Variants in C9orf50 observed in about 807,000 individuals in gnomAD.
The protein encoded by C9orf50 is uncharacterized protein C9orf50.
A neutral mutation model predicts 42.5 loss-of-function variants in C9orf50; 33 were observed. The ratio of observed to expected loss-of-function variants is 0.78; its 90% CI spans 0.59 to 1.04. The LOEUF is 1.04. Among genes scored for constraint, C9orf50 ranks in the 50% least tolerant of loss-of-function variants. The pLI is 0.00. For synonymous variants in C9orf50, 257 were observed against 273.4 expected (o/e 0.94, Z 0.59); for missense variants, 547 against 594.3 (o/e 0.92, Z 0.83).
chr9:129,615,086 A>G (rs377041550), intron 4 of C9orf50, among the ~76,000 whole-genome samples: 1 of 152,194 alleles, frequency 6.6e-6, no homozygotes, highest in African/African-American at 2.4e-5. Flanking sequence ...GTCTGCCTTC[A>G]TGGATGTCAA....
At chr9:129,612,374 G>C (rs372409652) in exon 7 of C9orf50, 6 of 1,613,818 alleles carry the variant, frequency 3.7e-6, no homozygotes, top group Non-Finnish European at 5.1e-6. Context: ...GCAGTGTTGC[G>C]GAGGCCAGGA....
chr9:129,612,474 C>T lies in C9orf50; in HGVS notation c.1189-20G>A. On this transcript the variant is annotated intron_variant, in intron 6 of 6. Transcript: ENST00000372478. Reference sequence around the variant, plus strand: ...GGACTCCTAGAGTGAGACAGAGGACCAGCTGGCTGCTACCAGGACCTCGGG... The same window carrying T: ...GGACTCCTAGAGTGAGACAGAGGACTAGCTGGCTGCTACCAGGACCTCGGG... 1 of 1,598,580 alleles carries T rather than the reference C, an allele frequency of 6.3e-7. No homozygotes were observed. The highest frequency in any genetic ancestry group is 8.6e-7 in the Non-Finnish European group (1 of 1,169,056).
intron 3 of C9orf50, 141 bp from the exon 4 acceptor site, chr9:129,615,788 C>T (rs753617077): frequency 3.1e-6 from 3 of 961,064 alleles, no homozygotes; most frequent in Admixed American, 3.9e-5. Context: ...TCACAGCAGC[C>T]GGCCTTAACG....
Position 129,613,014 on chromosome 9 carries a change from C to T in C9orf50, c.1188+93G>A, listed in dbSNP as rs1830163056. 16 of 1,535,680 alleles carry T rather than the reference C, an allele frequency of 1.0e-5. No individual in the cohort carries two copies. The highest frequency in any genetic ancestry group is 8.1e-5 in the South Asian group (7 of 86,076). On this transcript the variant is annotated intron_variant, in intron 6 of 6. Transcript: ENST00000372478. This position sits in a 1 kb window ranked among gnomAD's most constrained non-coding sequence, Gnocchi z 6.2. ...CTCTCAGGGAGGGTCCACTCCCAGCCCCAGCCACTCCACCAAACAGGGCTG... is the reference window on the plus strand; with the variant it reads ...CTCTCAGGGAGGGTCCACTCCCAGCTCCAGCCACTCCACCAAACAGGGCTG...
At position 129,620,561 on chromosome 9, in the gene C9orf50, C is replaced by T. The variant is rs988587428; in HGVS notation, c.14G>A (p.Arg5Gln). Residue 5 changes from arginine to glutamine, a missense_variant, in exon 1 of 7, where the codon CGA becomes CAA. Arg to Gln is a conservative substitution (Grantham distance 43, BLOSUM62 1). This residue lies in a region of C9orf50 where 105 missense variants were observed against 98.5 expected (regional missense o/e 1.07). Transcript: ENST00000372478. The surrounding 1 kb of genome is among the most constrained non-coding windows in gnomAD (Gnocchi z 5.8). Reference sequence around the variant, plus strand: ...CAGGTCCTGGGCCCCTGGGCGAAGTCGACGCCAGAACATGCTTGGCCCCGC... The same window carrying T: ...CAGGTCCTGGGCCCCTGGGCGAAGTTGACGCCAGAACATGCTTGGCCCCGC... 2 of 1,378,108 alleles carry T rather than the reference C, an allele frequency of 1.5e-6. No individual in the cohort carries two copies. Among genetic ancestry groups the T allele is most frequent in the South Asian group, 3.4e-5 (2 of 58,518 alleles). The allele number at this position is 1,378,108 out of a possible 1,614,324, so 85.4% of individuals were successfully genotyped here.
chr9:129,619,715 C>T, intron 2 of C9orf50, 25 bp downstream of exon 2: 1 of 1,613,484 alleles, frequency 6.2e-7, no homozygotes, highest in Non-Finnish European at 8.5e-7. Flanking sequence ...ACCCCGTCCC[C>T]ACCAAGAAGC....
upstream of C9orf50, chr9:129,620,842 T>C (rs1432912826): frequency 1.9e-5 from 7 of 362,136 alleles, no homozygotes; most frequent in Non-Finnish European, 3.0e-5. This position sits in a 1 kb window ranked among gnomAD's most constrained non-coding sequence, Gnocchi z 5.8. Context: ...TACATGCCAG[T>C]CTTAGAACAG....
Position 129,620,450 on chromosome 9 carries a change from G to T in C9orf50, c.125C>A (p.Ala42Glu), listed in dbSNP as rs890125721. The T allele has an allele frequency of 2.3e-6, 3 of 1,315,662 alleles. No homozygotes were observed. The highest frequency in any genetic ancestry group is 2.0e-5 in the South Asian group (1 of 50,054). The allele number at this position is 1,315,662 out of a possible 1,614,324, so 81.5% of individuals were successfully genotyped here. ...CCCGGAGCCCCGCGCGCCCAGAGCC[G>T]CTCGGAGCGCGGGCGGGGTCAGCTT... Residue 42 changes from alanine (A) to glutamate (E), a missense_variant, in exon 1 of 7, where the codon GCG (alanine) becomes GAG (glutamate). Around this residue, in one of 3 missense-constraint regions of C9orf50, gnomAD observed 105 missense variants for 98.5 expected, o/e 1.07. Coordinates refer to ENST00000372478, the Ensembl canonical transcript of C9orf50. The surrounding 1 kb of genome is among the most constrained non-coding windows in gnomAD (Gnocchi z 5.8).
chr9:129,615,348 A>G, intron 4 of C9orf50, 136 bp downstream of exon 4: 1 of 971,934 alleles, frequency 1.0e-6, no homozygotes, highest in Non-Finnish European at 1.4e-6. Context: ...CAGTTCAGGC[A>G]CATCCTCTGC....
chr9:129,615,515 T>A (rs926811210), exon 4 of C9orf50: 18 of 1,608,756 alleles, frequency 1.1e-5, no homozygotes, highest in Non-Finnish European at 1.4e-5. Context: ...AGCGGAGCGT[T>A]GTGTCCTGCA....
At position 129,620,606 on chromosome 9, in the gene C9orf50, C is replaced by A; in HGVS notation, c.-32G>T. ...CCCCGCACTCAGCTCACCGCACCCT[C>A]AGCGCGCGTGGGTGGGGGGCGCCGG... is the stretch of plus-strand genomic sequence containing the variant. On this transcript the variant is annotated 5_prime_UTR_variant, in exon 1 of 7. It removes the in-frame stop codon of an upstream open reading frame in the 5' UTR. Coordinates refer to ENST00000372478, the Ensembl canonical transcript of C9orf50. The surrounding 1 kb of genome is among the most constrained non-coding windows in gnomAD (Gnocchi z 5.8). 1 of 1,309,752 alleles carries A rather than the reference C, an allele frequency of 7.6e-7. No individual in the cohort carries two copies. Among genetic ancestry groups the A allele is most frequent in the Non-Finnish European group, 9.7e-7 (1 of 1,028,434 alleles). The allele number at this position is 1,309,752 out of a possible 1,614,324, so 81.1% of individuals were successfully genotyped here. A position where few individuals can be genotyped will look rare whatever the true frequency, so the allele number is the denominator to read the frequency against.
Position 129,620,212 on chromosome 9 carries a change from A to T in C9orf50, c.363T>A (p.Pro121=). 1 of 1,382,378 alleles carries T rather than the reference A, an allele frequency of 7.2e-7. No individual in the cohort carries two copies. Among genetic ancestry groups the T allele is most frequent in the South Asian group, 1.7e-5 (1 of 57,674 alleles). The allele number at this position is 1,382,378 out of a possible 1,614,324, so 85.6% of individuals were successfully genotyped here. The change falls in exon 1 of 7, where the codon CCT becomes CCA. Residue 121 remains proline (P), a synonymous_variant. Coordinates refer to ENST00000372478, the Ensembl canonical transcript of C9orf50. The surrounding 1 kb of genome is among the most constrained non-coding windows in gnomAD (Gnocchi z 5.8). ...GCCTCCGGGGGCGCTCGCGCTCTCC[A>T]GGCCCTGGCTGCCTGGGCGCCGATT...
intron 4 of C9orf50, 65 bp downstream of exon 4, chr9:129,615,419 C>A: frequency 6.8e-7 from 1 of 1,474,228 alleles, no homozygotes; most frequent in South Asian, 1.4e-5. Flanking sequence ...CCCGGAGCTA[C>A]AGCCTCTCTG....
At chr9:129,616,663 G>A (rs1391607469) in intron 3 of C9orf50, among the ~76,000 whole-genome samples, 1 of 152,180 alleles carries the variant, frequency 6.6e-6, no homozygotes, top group East Asian at 1.9e-4. Flanking sequence ...TCCTGGGTTT[G>A]GTGAGTATCA....
exon 4 of C9orf50, chr9:129,615,522 T>C: frequency 6.2e-7 from 1 of 1,610,782 alleles, no homozygotes; most frequent in South Asian, 1.1e-5. Context: ...CGTTGTGTCC[T>C]GCAGGGTCTC....
chr9:129,615,797 C>T (rs959131188), intron 3 of C9orf50, 150 bp from the exon 4 acceptor site: 21 of 879,036 alleles, frequency 2.4e-5, no homozygotes, highest in East Asian at 9.6e-5. Context: ...CCGGCCTTAA[C>T]GGAGCACTTC....
In C9orf50 at chr9:129,620,699, T is replaced by A; in HGVS notation, c.-125A>T. 1 of 883,712 alleles carries A rather than the reference T, an allele frequency of 1.1e-6. No homozygotes were observed. The highest frequency in any genetic ancestry group is 1.5e-6 in the Non-Finnish European group (1 of 671,066). The allele number at this position is 883,712 out of a possible 1,614,324, so 54.7% of individuals were successfully genotyped here. On this transcript the variant is annotated 5_prime_UTR_variant, in exon 1 of 7. Transcript: ENST00000372478. This position sits in a 1 kb window ranked among gnomAD's most constrained non-coding sequence, Gnocchi z 5.8. ...CCGGGCGGGGCAGCGCGGTGCGGGG[T>A]GAACGCCACCGGCCCGGCGGACAGC...
chr9:129,614,877 G>C lies in C9orf50; in HGVS notation c.880+607C>G, dbSNP rs1176874872. 6.6e-6 allele frequency among the ~76,000 whole-genome samples: 1 copy of C among 152,106 alleles called. No individual in the cohort carries two copies. The highest frequency in any genetic ancestry group is 1.5e-5 in the Non-Finnish European group (1 of 68,026). ...AGATCGCGCCACTGCACTCCAGCCT[G>C]GGCGACAGAGTGAGACTCCGTATCA... On this transcript the variant is annotated intron_variant, in intron 4 of 6. Transcript: ENST00000372478. The surrounding 1 kb of genome is among the most constrained non-coding windows in gnomAD (Gnocchi z 4.4).
Position 129,620,491 on chromosome 9 carries a change from G to C in C9orf50, c.84C>G (p.Ser28Arg). The change falls in exon 1 of 7, where the codon AGC (serine) becomes AGG (arginine). Residue 28 changes from serine (S) to arginine (R), a missense_variant. Ser to Arg is a moderately radical substitution (Grantham distance 110, BLOSUM62 -1). Coordinates refer to ENST00000372478, the Ensembl canonical transcript of C9orf50. The surrounding 1 kb of genome is among the most constrained non-coding windows in gnomAD (Gnocchi z 5.8). Reference sequence around the variant, plus strand: ...GGGTCAGCTTGGGCAGCCGCGGGTCGCTGCTGCGTCGGAAGTCTCCGTCGC... The same window carrying C: ...GGGTCAGCTTGGGCAGCCGCGGGTCCCTGCTGCGTCGGAAGTCTCCGTCGC... 2 of 1,403,638 alleles carry C rather than the reference G, an allele frequency of 1.4e-6. No homozygotes were observed. 86.9% of individuals were successfully genotyped at this position (1,403,638 alleles called of 1,614,324 possible). A position where few individuals can be genotyped will look rare whatever the true frequency, so the allele number is the denominator to read the frequency against.
Sources: allele counts gnomAD v4.1 joint callset (sites outside exome capture counted in the v4.1 genomes callset), GRCh38; gene constraint gnomAD v4.1.1; regional missense constraint gnomAD v4.1.1; non-coding constraint Gnocchi (gnomAD v3.1); transcripts MANE v1.5; gene names NCBI Gene and HGNC (gene_info 2026-07-23, HGNC 2026-07-21).